Variants in PDE1A observed in about 807,000 individuals in gnomAD.
PDE1A encodes the protein phosphodiesterase 1A, also known as dual specificity calcium/calmodulin-dependent 3',5'-cyclic nucleotide phosphodiesterase 1A.
Under a neutral mutation model 61.7 loss-of-function variants are expected in PDE1A, and 35 were observed. That is an observed-to-expected ratio of 0.57 (90% CI 0.43 to 0.75). The LOEUF is 0.75. PDE1A is among the 30% of genes least tolerant of loss of function. PDE1A has a pLI of 0.00. For synonymous variants in PDE1A, 232 were observed against 213.2 expected (o/e 1.09, Z -0.77); for missense variants, 597 against 630.6 (o/e 0.95, Z 0.57).
the PDE1A span, among the ~76,000 whole-genome samples, chr2:182,668,041 G>A: frequency 6.6e-6 from 1 of 152,168 alleles, no homozygotes; most frequent in Admixed American, 6.5e-5. Context: ...TCAGTCAAAG[G>A]GAAAAGAGAT....
chr2:182,410,655 G>T (rs1187103406), intron 1 of PDE1A, among the ~76,000 whole-genome samples: 1 of 152,126 alleles, frequency 6.6e-6, no homozygotes, highest in Non-Finnish European at 1.5e-5. Context: ...ACCTCATCAA[G>T]ATAATATAAT....
intron 2 of PDE1A, among the ~76,000 whole-genome samples, chr2:182,250,094 C>T (rs576355237): frequency 1.1e-4 from 17 of 152,250 alleles, no homozygotes; most frequent in Admixed American, 3.9e-4. Context: ...CCACTTTAAA[C>T]GCATTTTTTT....
intron 7 of PDE1A, among the ~76,000 whole-genome samples, chr2:182,208,516 TGGTGGGGACAC>T (rs1449750206): frequency 2.0e-5 from 3 of 152,174 alleles, no homozygotes; most frequent in African/African-American, 7.2e-5. Context: ...AGATGAGATT[TGGTGGGGACAC>T]GGAGCCAAAC....
chr2:182,536,680 A>G, the PDE1A span, among the ~76,000 whole-genome samples: 1 of 152,186 alleles, frequency 6.6e-6, no homozygotes, highest in East Asian at 1.9e-4. Flanking sequence ...ATGTTCTTAA[A>G]ATGTCACATT....
intron 1 of PDE1A, among the ~76,000 whole-genome samples, chr2:182,318,299 C>T (rs16823047): frequency 0.25 from 38,429 of 151,892 alleles, 5,257 homozygotes; most frequent in East Asian, 0.56. Context: ...AACTGCAATG[C>T]CAATGATGCA....
At chr2:182,272,545 G>A (rs1372546403) in intron 1 of PDE1A, among the ~76,000 whole-genome samples, 1 of 152,144 alleles carries the variant, frequency 6.6e-6, no homozygotes, top group Non-Finnish European at 1.5e-5. Flanking sequence ...AGAAGCCACT[G>A]AGGAGATGCA....
intron 7 of PDE1A, among the ~76,000 whole-genome samples, chr2:182,218,326 G>C (rs996185892): frequency 1.3e-5 from 2 of 149,688 alleles, no homozygotes; most frequent in East Asian, 2.0e-4. Context: ...GCTAGATGAC[G>C]AGTTAGTGGG....
At chr2:182,638,141 C>A in the PDE1A span, among the ~76,000 whole-genome samples, 1 of 152,058 alleles carries the variant, frequency 6.6e-6, no homozygotes, top group South Asian at 2.1e-4. Flanking sequence ...TGATAATTAT[C>A]CTTTGGGAGT....
chr2:182,238,143 C>T (rs1231975860), intron 3 of PDE1A, among the ~76,000 whole-genome samples: 1 of 151,678 alleles, frequency 6.6e-6, no homozygotes, highest in African/African-American at 2.4e-5. Flanking sequence ...GTTGCGGGTG[C>T]CTGTAGTCCC....
intron 1 of PDE1A, among the ~76,000 whole-genome samples, chr2:182,328,835 T>C (rs904799703): frequency 6.6e-6 from 1 of 152,142 alleles, no homozygotes; most frequent in African/African-American, 2.4e-5. Flanking sequence ...GGTCTCTGCA[T>C]TATTTAGAAT....
intron 1 of PDE1A, among the ~76,000 whole-genome samples, chr2:182,342,935 C>T (rs1003604758): frequency 6.6e-6 from 1 of 152,168 alleles, no homozygotes; most frequent in Non-Finnish European, 1.5e-5. Context: ...GACTCCTATG[C>T]AGGATAAGGT....
At chr2:182,180,760 A>G (rs535680706) in intron 13 of PDE1A, among the ~76,000 whole-genome samples, 113 of 146,214 alleles carry the variant, frequency 7.7e-4, no homozygotes, top group African/African-American at 2.7e-3. Context: ...ATAGTCCCAC[A>G]TTTCTCGGAG....
intron 1 of PDE1A, among the ~76,000 whole-genome samples, chr2:182,390,075 T>C (rs1443750274): frequency 6.6e-6 from 1 of 152,178 alleles, no homozygotes; most frequent in Non-Finnish European, 1.5e-5. Flanking sequence ...GGGCCTATTG[T>C]ATGATTTCAC....
chr2:182,193,723 A>T (rs979097019), intron 10 of PDE1A, among the ~76,000 whole-genome samples: 1 of 152,144 alleles, frequency 6.6e-6, no homozygotes, highest in African/African-American at 2.4e-5. Context: ...TGATATAACT[A>T]TATTTCTGTG....
At chr2:182,409,490 C>G (rs1387316339) in intron 1 of PDE1A, among the ~76,000 whole-genome samples, 1 of 152,186 alleles carries the variant, frequency 6.6e-6, no homozygotes, top group Non-Finnish European at 1.5e-5. Flanking sequence ...TCTGTGAATA[C>G]ACAACATACA....
intron 2 of PDE1A, among the ~76,000 whole-genome samples, chr2:182,484,455 C>A (rs890877364): frequency 1.3e-5 from 2 of 152,010 alleles, no homozygotes; most frequent in East Asian, 1.9e-4. Context: ...CAGGAACAGG[C>A]GAAGACTTCA....
At chr2:182,592,479 C>A in the PDE1A span, among the ~76,000 whole-genome samples, 3 of 152,180 alleles carry the variant, frequency 2.0e-5, no homozygotes, top group Admixed American at 1.3e-4. Flanking sequence ...AACTTGGTTA[C>A]GTATCTTCCC....
At chr2:182,654,108 G>A in the PDE1A span, among the ~76,000 whole-genome samples, 1 of 152,138 alleles carries the variant, frequency 6.6e-6, no homozygotes, top group Non-Finnish European at 1.5e-5. Flanking sequence ...ACATAAAAGT[G>A]AATTAATTAT....
At chr2:182,178,291 C>T (rs908011774) in intron 13 of PDE1A, among the ~76,000 whole-genome samples, 1 of 152,130 alleles carries the variant, frequency 6.6e-6, no homozygotes, top group Non-Finnish European at 1.5e-5. Flanking sequence ...ATCCAGGTTT[C>T]TCACTCCCTG....
Sources: allele counts gnomAD v4.1 joint callset (sites outside exome capture counted in the v4.1 genomes callset), GRCh38; gene constraint gnomAD v4.1.1; transcripts MANE v1.5; gene names NCBI Gene and HGNC (gene_info 2026-07-23, HGNC 2026-07-21).